The following SAMD5 variants were observed in gnomAD, a reference collection of about 807,000 sequenced individuals.
SAMD5 encodes the protein sterile alpha motif domain-containing protein 5.
A neutral mutation model predicts 11.3 loss-of-function variants in SAMD5; 13 were observed. That is an observed-to-expected ratio of 1.15 (90% CI 0.75 to 1.83). The LOEUF (loss-of-function observed/expected upper bound fraction) is 1.83. Among genes scored for constraint, SAMD5 ranks in the 40% most tolerant of loss-of-function variants. The pLI, the probability that SAMD5 is intolerant of heterozygous loss-of-function variation, is 0.00. For missense variants in SAMD5, 255 were observed against 239.1 expected (o/e 1.07, Z -0.44); for synonymous variants, 129 against 111.3 (o/e 1.16, Z -1.00).
At chr6:147,834,153 T>G in the SAMD5 span, among the ~76,000 whole-genome samples, 1 of 152,316 alleles carries the variant, frequency 6.6e-6, no homozygotes, top group Non-Finnish European at 1.5e-5. Flanking sequence ...TTAAAATAAT[T>G]TATAAACCAC....
chr6:147,652,325 T>A (rs1302804987), intron 1 of SAMD5, among the ~76,000 whole-genome samples: 2 of 152,218 alleles, frequency 1.3e-5, no homozygotes, highest in South Asian at 2.1e-4. Context: ...AGAAAGTGAC[T>A]TTTGAAACCA....
At chr6:147,550,125 T>G (rs892352753) in intron 1 of SAMD5, among the ~76,000 whole-genome samples, 12 of 151,944 alleles carry the variant, frequency 7.9e-5, no homozygotes, top group African/African-American at 2.9e-4. Flanking sequence ...CACTTGTAGT[T>G]TGAGCTACTT....
chr6:147,807,182 C>G, the SAMD5 span, among the ~76,000 whole-genome samples: 1 of 152,050 alleles, frequency 6.6e-6, no homozygotes, highest in Non-Finnish European at 1.5e-5. Flanking sequence ...TCACTGCAAG[C>G]TCCGCCTCCC....
chr6:147,803,144 TGTGTGTGTGTGTGTGTGTG>T, the SAMD5 span, among the ~76,000 whole-genome samples: 2 of 112,656 alleles, frequency 1.8e-5, no homozygotes, highest in African/African-American at 6.4e-5. Flanking sequence ...TGTGTGTGTG[TGTGTGTGTGTGTGTGTGTG>T]TGTGTGTGTG....
At chr6:147,760,574 A>G in the SAMD5 span, among the ~76,000 whole-genome samples, 2 of 152,128 alleles carry the variant, frequency 1.3e-5, no homozygotes, top group Non-Finnish European at 2.9e-5. Context: ...GAGGCATCTC[A>G]AAGAATTGCC....
the SAMD5 span, among the ~76,000 whole-genome samples, chr6:147,763,073 T>C: frequency 7.2e-5 from 11 of 152,142 alleles, no homozygotes; most frequent in Non-Finnish European, 1.5e-4. Flanking sequence ...CCAAGCTATA[T>C]TGGAGTCTGA....
At chr6:147,601,789 C>T (rs985724203) in intron 1 of SAMD5, among the ~76,000 whole-genome samples, 1 of 152,094 alleles carries the variant, frequency 6.6e-6, no homozygotes, top group Admixed American at 6.5e-5. Flanking sequence ...GCCGGTCGAC[C>T]CATAGATTTA....
In SAMD5 at chr6:147,564,639, C is replaced by T. The variant is rs1032058916; in HGVS notation, c.*183C>T. 7.2e-7 allele frequency: 1 copy of T among 1,386,954 alleles called. No individual in the cohort carries two copies. The highest frequency in any genetic ancestry group is 9.3e-7 in the Non-Finnish European group (1 of 1,070,428). The allele number at this position is 1,386,954 out of a possible 1,614,324, so 85.9% of individuals were successfully genotyped here. On this transcript the variant is annotated 3_prime_UTR_variant, in exon 2 of 2. Transcript: ENST00000367474. ...AGTAAACTGGGTAACTGGCTTATAA[C>T]AGCTAGAAATAAGGCAGTGAACTAT... is the stretch of plus-strand genomic sequence containing the variant.
intron 1 of SAMD5, among the ~76,000 whole-genome samples, chr6:147,550,008 G>T (rs1788743818): frequency 6.6e-6 from 1 of 151,028 alleles, no homozygotes; most frequent in Non-Finnish European, 1.5e-5. Context: ...ACTGGGGGAG[G>T]CTAAGGCAGG....
chr6:147,694,943 A>T (rs952864902), intron 1 of SAMD5, among the ~76,000 whole-genome samples: 3 of 152,220 alleles, frequency 2.0e-5, no homozygotes, highest in Admixed American at 2.0e-4. Context: ...TATATTTGAT[A>T]ATCTGGAAAC....
chr6:147,922,604 G>T, the SAMD5 span, among the ~76,000 whole-genome samples: 2 of 152,150 alleles, frequency 1.3e-5, no homozygotes, highest in Non-Finnish European at 2.9e-5. Context: ...TAGTAAAGTG[G>T]CATTCCCCAA....
At chr6:147,797,886 T>C in the SAMD5 span, among the ~76,000 whole-genome samples, 1 of 151,398 alleles carries the variant, frequency 6.6e-6, no homozygotes, top group African/African-American at 2.4e-5. Flanking sequence ...TGATGGTAGT[T>C]TGTATTTCTG....
chr6:147,635,518 C>A (rs1280855153), intron 1 of SAMD5, among the ~76,000 whole-genome samples: 1 of 152,216 alleles, frequency 6.6e-6, no homozygotes, highest in East Asian at 1.9e-4. Context: ...ATTTCCCCTT[C>A]AGTCTATTTC....
At chr6:147,943,704 G>A in the SAMD5 span, among the ~76,000 whole-genome samples, 26 of 152,086 alleles carry the variant, frequency 1.7e-4, no homozygotes, top group East Asian at 4.3e-3. Flanking sequence ...CCTGTTCTCT[G>A]CTATATTCTT....
intron 1 of SAMD5, among the ~76,000 whole-genome samples, chr6:147,558,313 A>G (rs1288323879): frequency 6.6e-6 from 1 of 152,286 alleles, no homozygotes; most frequent in African/African-American, 2.4e-5. Context: ...TGTTGTATCC[A>G]AAGACCCACC....
chr6:147,799,334 G>T, the SAMD5 span, among the ~76,000 whole-genome samples: 1 of 151,952 alleles, frequency 6.6e-6, no homozygotes, highest in Admixed American at 6.6e-5. Context: ...TTGAAGCTTA[G>T]TTTGGCTGGA....
chr6:147,698,772 C>T (rs1366465559), intron 1 of SAMD5, among the ~76,000 whole-genome samples: 1 of 152,138 alleles, frequency 6.6e-6, no homozygotes, highest in Non-Finnish European at 1.5e-5. Flanking sequence ...AACAAATAAA[C>T]AAGACTGTTG....
the SAMD5 span, among the ~76,000 whole-genome samples, chr6:147,799,556 C>T: frequency 1.3e-5 from 2 of 151,590 alleles, no homozygotes; most frequent in African/African-American, 4.9e-5. Flanking sequence ...CTTGGAGTTG[C>T]TCTTCTCGAG....
At chr6:147,670,421 GA>G (rs1790779262) in intron 1 of SAMD5, among the ~76,000 whole-genome samples, 1 of 152,188 alleles carries the variant, frequency 6.6e-6, no homozygotes, top group African/African-American at 2.4e-5. Flanking sequence ...TTTGAACTCA[GA>G]CATTGACTTC....
Sources: gnomAD v4.1 joint callset for allele counts (sites outside exome capture counted in the v4.1 genomes callset) on GRCh38, gnomAD v4.1.1 for gene constraint, MANE v1.5 for transcripts, NCBI Gene and HGNC (gene_info 2026-07-23, HGNC 2026-07-21) for gene names.